SORCS1: variants seen among roughly 807,000 people sequenced by gnomAD.
The protein encoded by SORCS1 is VPS10 domain-containing receptor SorCS1.
SORCS1 carries 60 observed loss-of-function variants against 146.1 expected under a neutral mutation model. That is an observed-to-expected ratio of 0.41 (90% CI 0.33 to 0.51). The LOEUF is 0.51. Ranked by LOEUF, SORCS1 falls within the 20% of genes least tolerant of loss-of-function variation. The probability of loss-of-function intolerance (pLI) is 0.21; values close to 1 mark genes in which losing one functional copy is unlikely to be tolerated. For missense variants in SORCS1, 1,352 were observed against 1,487.6 expected, an observed-to-expected ratio of 0.91 and a Z score of 1.50; for synonymous variants, 637 against 584.0, an observed-to-expected ratio of 1.09 and a Z score of -1.31.
chr10:106,611,033 T>C (rs78411870), intron 22 of SORCS1, among the ~76,000 whole-genome samples: 10,065 of 151,930 alleles, frequency 0.066, 415 homozygotes, highest in East Asian at 0.2. Flanking sequence ...TGAGATGAGA[T>C]TGAGTCACTG....
chr10:106,780,969 CA>C (rs1205923310), intron 3 of SORCS1, among the ~76,000 whole-genome samples: 1 of 142,728 alleles, frequency 7.0e-6, no homozygotes, highest in African/African-American at 2.6e-5. Flanking sequence ...TCAAATACGT[CA>C]CTTCTCCTTT....
intron 1 of SORCS1, among the ~76,000 whole-genome samples, chr10:106,985,257 G>C (rs960626916): frequency 5.9e-5 from 9 of 152,168 alleles, no homozygotes; most frequent in African/African-American, 1.9e-4. Context: ...ATAGTTCTGT[G>C]ATTGCCATGC....
In SORCS1 at chr10:107,060,801, CTT is replaced by C. The variant is rs1217498237; in HGVS notation, c.558+103166_558+103167del. ...CTTTATTATCTCATACCGTGTCTTT[CTT>C]TTCAATGAGATTTTTAAGGAGCTTT... On this transcript the variant is annotated intron_variant, in intron 1 of 25. Transcript: ENST00000263054. The surrounding 1 kb of genome is among the most constrained non-coding windows in gnomAD (Gnocchi z 4.1). 6.6e-6 allele frequency among the ~76,000 whole-genome samples: 1 copy of C among 152,058 alleles called. No homozygotes were observed. The highest frequency in any genetic ancestry group is 2.4e-5 in the African/African-American group (1 of 41,394).
At chr10:106,657,227 G>A (rs904534790) in intron 17 of SORCS1, among the ~76,000 whole-genome samples, 9 of 152,204 alleles carry the variant, frequency 5.9e-5, no homozygotes, top group Non-Finnish European at 1.0e-4. Flanking sequence ...GCTGATGAGT[G>A]GATAAAGGAA....
intron 2 of SORCS1, among the ~76,000 whole-genome samples, chr10:106,902,394 G>T (rs1057216428): frequency 6.6e-6 from 1 of 151,834 alleles, no homozygotes; most frequent in Admixed American, 6.6e-5. Context: ...TAATTAAAAA[G>T]AAATCACCAC....
intron 3 of SORCS1, among the ~76,000 whole-genome samples, chr10:106,808,891 T>C (rs1248398233): frequency 6.6e-6 from 1 of 152,184 alleles, no homozygotes; most frequent in Non-Finnish European, 1.5e-5. Context: ...CATTTAGAGA[T>C]CTTTGTTCTC....
At chr10:107,093,647 T>A (rs2134327036) in intron 1 of SORCS1, among the ~76,000 whole-genome samples, 1 of 147,674 alleles carries the variant, frequency 6.8e-6, no homozygotes, top group African/African-American at 2.5e-5. Context: ...CAGCCTGGCA[T>A]CCAGCCTGGC....
At chr10:106,893,070 A>ATT (rs527826923) in intron 2 of SORCS1, among the ~76,000 whole-genome samples, 1 of 140,962 alleles carries the variant, frequency 7.1e-6, no homozygotes, top group Non-Finnish European at 1.6e-5. Flanking sequence ...AGTTTTTTGT[A>ATT]TTTTTTTTTT....
intron 3 of SORCS1, among the ~76,000 whole-genome samples, chr10:106,797,039 G>C (rs751345984): frequency 6.6e-6 from 1 of 152,122 alleles, no homozygotes; most frequent in African/African-American, 2.4e-5. Flanking sequence ...CCTGGGAGAC[G>C]GAGGTTGCAG....
At chr10:106,801,524 A>ATTTT (rs34849434) in intron 3 of SORCS1, among the ~76,000 whole-genome samples, 27 of 113,830 alleles carry the variant, frequency 2.4e-4, no homozygotes, top group African/African-American at 6.6e-4. Context: ...TAGTATAGCC[A>ATTTT]TTTTTTTTTT....
chr10:106,824,135 C>G (rs1325688712), intron 3 of SORCS1, among the ~76,000 whole-genome samples: 1 of 151,524 alleles, frequency 6.6e-6, no homozygotes, highest in Admixed American at 6.6e-5. Flanking sequence ...GAAATCCCAT[C>G]TCTACCAAAA....
chr10:106,579,336 G>C, intron 25 of SORCS1, 33 bp downstream of exon 25: 1 of 1,614,056 alleles, frequency 6.2e-7, no homozygotes, highest in South Asian at 1.1e-5. Flanking sequence ...GAAGAGGTCA[G>C]GGGTGGGGGA....
intron 1 of SORCS1, among the ~76,000 whole-genome samples, chr10:107,022,450 T>C (rs1480350518): frequency 1.3e-5 from 2 of 152,054 alleles, no homozygotes; most frequent in African/African-American, 4.8e-5. Flanking sequence ...TAATTAACAA[T>C]CATTGAGGTC....
chr10:106,863,710 G>A (rs1950113551), intron 2 of SORCS1, among the ~76,000 whole-genome samples: 1 of 150,554 alleles, frequency 6.6e-6, no homozygotes, highest in African/African-American at 2.5e-5. Flanking sequence ...TGGTAGAGCT[G>A]ACAGAGGGTG....
chr10:106,874,795 C>T (rs1268093323), intron 2 of SORCS1, among the ~76,000 whole-genome samples: 3 of 152,096 alleles, frequency 2.0e-5, no homozygotes, highest in Non-Finnish European at 4.4e-5. Context: ...AAGAGGCAGG[C>T]AGTTGCTAGA....
intron 5 of SORCS1, among the ~76,000 whole-genome samples, chr10:106,759,174 G>A (rs1268766876): frequency 2.6e-5 from 4 of 152,210 alleles, no homozygotes; most frequent in Non-Finnish European, 5.9e-5. Context: ...TGGAGTGGAG[G>A]TGGGAAGCTA....
intron 2 of SORCS1, among the ~76,000 whole-genome samples, chr10:106,907,942 T>C (rs1447686087): frequency 2.6e-5 from 4 of 152,110 alleles, no homozygotes; most frequent in Non-Finnish European, 5.9e-5. Flanking sequence ...CTATTAATAC[T>C]GAAATTACTT....
chr10:106,627,392 A>T (rs776402181), intron 19 of SORCS1, among the ~76,000 whole-genome samples: 5 of 152,234 alleles, frequency 3.3e-5, no homozygotes, highest in African/African-American at 7.2e-5. Context: ...CTCTCTAGCA[A>T]AATCACCCCT....
intron 17 of SORCS1, among the ~76,000 whole-genome samples, chr10:106,663,990 C>G (rs1564832541): frequency 6.6e-6 from 1 of 152,220 alleles, no homozygotes; most frequent in South Asian, 2.1e-4. Context: ...TCTCTTTACA[C>G]TAGCTTGCTC....
Sources: allele counts gnomAD v4.1 joint callset (sites outside exome capture counted in the v4.1 genomes callset), GRCh38; gene constraint gnomAD v4.1.1; non-coding constraint Gnocchi (gnomAD v3.1); transcripts MANE v1.5; gene names NCBI Gene and HGNC (gene_info 2026-07-23, HGNC 2026-07-21).